The following CERCAM variants were observed in gnomAD, a reference collection of about 807,000 sequenced individuals.
CERCAM encodes cerebral endothelial cell adhesion molecule.
A neutral mutation model predicts 66.0 loss-of-function variants in CERCAM; 59 were observed. That is an observed-to-expected ratio of 0.89 (90% CI 0.73 to 1.11). The LOEUF (loss-of-function observed/expected upper bound fraction) is 1.11. Ranked by LOEUF, CERCAM falls within the 50% of genes most tolerant of loss-of-function variation. CERCAM has a pLI of 0.00. For missense variants in CERCAM, 840 were observed against 828.3 expected (o/e 1.01, Z -0.17); for synonymous variants, 318 against 343.6 (o/e 0.93, Z 0.83).
intron 5 of CERCAM, among the ~76,000 whole-genome samples, chr9:128,426,482 T>C (rs1364518038): frequency 1.3e-5 from 2 of 151,842 alleles, no homozygotes; most frequent in African/African-American, 4.8e-5. Context: ...TAGCCAGGCA[T>C]GGTGGCGGGT....
chr9:128,424,335 A>T, intron 4 of CERCAM, 63 bp downstream of exon 4: 1 of 1,612,154 alleles, frequency 6.2e-7, no homozygotes, highest in Non-Finnish European at 8.5e-7. Context: ...TGGAGAGCAG[A>T]GAGCCTGAGG....
chr9:128,420,699 C>A, upstream of CERCAM: 1 of 247,940 alleles, frequency 4.0e-6, no homozygotes, highest in Non-Finnish European at 7.6e-6. This position sits in a 1 kb window ranked among gnomAD's most constrained non-coding sequence, Gnocchi z 5.0. Context: ...GTGCCCCGGG[C>A]CAAGGAGAGA....
intron 8 of CERCAM, among the ~76,000 whole-genome samples, chr9:128,429,645 C>T (rs140736231): frequency 2.6e-5 from 4 of 152,148 alleles, no homozygotes; most frequent in East Asian, 1.9e-4. Flanking sequence ...TGTTGCCCTC[C>T]GTCTGTTGCC....
At position 128,435,762 on chromosome 9, in the gene CERCAM, A is replaced by G. The variant is rs1389545661; in HGVS notation, c.1645A>G (p.Thr549Ala). 6.2e-7 allele frequency: 1 copy of G among 1,613,410 alleles called. No individual in the cohort carries two copies. The highest frequency in any genetic ancestry group is 1.7e-5 in the Admixed American group (1 of 59,948). The change falls in exon 12 of 13, where the codon ACG (threonine) becomes GCG (alanine). Residue 549 changes from threonine to alanine, a missense_variant. Coordinates refer to ENST00000372838, the MANE Select transcript of CERCAM (RefSeq NM_016174.5). The part of the protein sequence containing the change: ...YAGDAEWLSD[T>A]ETSSPWDDDS... ...CGGGGACGCCGAGTGGCTCAGTGAC[A>G]CGGAGACATCCTCTCCATGGGATGA...
In CERCAM at chr9:128,432,212, CAG is replaced by C. The variant is rs1363270487; in HGVS notation, c.1203+910_1203+911del. 6.6e-5 allele frequency among the ~76,000 whole-genome samples: 10 copies of C among 151,862 alleles called. No homozygotes were observed. In the East Asian group the frequency reaches 1.8e-3, roughly 27 times the overall value. The stretch of plus-strand genomic sequence containing the variant: ...GGCTAATTTTTCTATTTTTAGTAGA[CAG>C]GGGGTTTCGCCATATTGGTCAGGCT... On this transcript the variant is annotated intron_variant, in intron 9 of 12. Coordinates refer to ENST00000372838, the MANE Select transcript of CERCAM (RefSeq NM_016174.5).
chr9:128,421,129 TG>T, intron 1 of CERCAM, 55 bp downstream of exon 1: 1 of 1,264,188 alleles, frequency 7.9e-7, no homozygotes, highest in Non-Finnish European at 1.0e-6. Flanking sequence ...GCTTCGCAGA[TG>T]GCCCCCGCCC....
At chr9:128,429,107 G>A in intron 8 of CERCAM, 71 bp downstream of exon 8, 8 of 1,161,576 alleles carry the variant, frequency 6.9e-6, no homozygotes, top group Non-Finnish European at 9.7e-6. Context: ...AGCCCGCTAG[G>A]ACTGGGAAAA....
At chr9:128,425,077 G>C (rs961278796) in intron 5 of CERCAM, among the ~76,000 whole-genome samples, 9 of 148,336 alleles carry the variant, frequency 6.1e-5, no homozygotes, top group South Asian at 2.1e-4. Flanking sequence ...GTTGTTTTTG[G>C]GACAGAGTCT....
chr9:128,425,842 C>T (rs1452677972), intron 5 of CERCAM, among the ~76,000 whole-genome samples: 2 of 114,198 alleles, frequency 1.8e-5, no homozygotes, highest in South Asian at 2.9e-4. Flanking sequence ...TTTTTTGAGA[C>T]GGAGTCTTGC....
intron 6 of CERCAM, 26 bp downstream of exon 6, chr9:128,428,447 C>T (rs1263396009): frequency 6.2e-7 from 1 of 1,612,256 alleles, no homozygotes; most frequent in Non-Finnish European, 8.5e-7. Context: ...CTGTTCCACC[C>T]ACCTGCTGCC....
Position 128,420,976 on chromosome 9 carries a change from G to T in CERCAM, c.99G>T (p.Val33=). ...AGVAESPLPA[V]VLAILARNAE... ...TTGCGGAGTCGCCGCTGCCCGCCGT[G>T]GTCCTTGCCATCCTGGCCCGCAATG... is the stretch of plus-strand genomic sequence containing the variant. The change falls in exon 1 of 13, where the codon GTG becomes GTT. Residue 33 remains valine (V), a synonymous_variant. Transcript: ENST00000372838. The surrounding 1 kb of genome is among the most constrained non-coding windows in gnomAD (Gnocchi z 5.0). The T allele has an allele frequency of 6.8e-7, 1 of 1,469,548 alleles. No individual in the cohort carries two copies. The allele number at this position is 1,469,548 out of a possible 1,614,324, so 91.0% of individuals were successfully genotyped here.
upstream of CERCAM, chr9:128,420,760 G>A (rs1018835876): frequency 1.2e-4 from 38 of 306,084 alleles, no homozygotes; most frequent in Non-Finnish European, 5.7e-6. This position sits in a 1 kb window ranked among gnomAD's most constrained non-coding sequence, Gnocchi z 5.0. Context: ...CACTCTGAGG[G>A]TGCACTGCCC....
rs773695103 is a variant in CERCAM, at chr9:128,428,329, A to T, written c.794A>T (p.His265Leu). ...GTCTCCGTCCACGTGTGCAATGAGC[A>T]CCGTTATGGGTACATGAATGTGCCG... The part of the protein sequence containing the change: ...AGVSVHVCNE[H>L]RYGYMNVPVK... The change falls in exon 6 of 13, where the codon CAC becomes CTC. Residue 265 changes from histidine to leucine, a missense_variant. Coordinates refer to ENST00000372838, the MANE Select transcript of CERCAM (RefSeq NM_016174.5). The T allele has an allele frequency of 3.7e-6, 6 of 1,613,936 alleles. No homozygotes were observed. In the African/African-American group the frequency reaches 5.3e-5, roughly 14 times the overall value.
intron 8 of CERCAM, among the ~76,000 whole-genome samples, chr9:128,430,256 G>T (rs1833944515): frequency 6.6e-6 from 1 of 152,036 alleles, no homozygotes; most frequent in South Asian, 2.1e-4. Flanking sequence ...ACAAAAATTA[G>T]CCAGGTGTGG....
chr9:128,435,540 G>A (rs1834087521), intron 11 of CERCAM, 113 bp from the exon 12 acceptor site: 8 of 1,185,938 alleles, frequency 6.7e-6, no homozygotes, highest in African/African-American at 1.5e-5. Context: ...GTGAGGACTA[G>A]ATGGCGGGGA....
At chr9:128,429,060 C>G (rs764935874) in intron 8 of CERCAM, 24 bp downstream of exon 8, 26 of 1,531,056 alleles carry the variant, frequency 1.7e-5, no homozygotes, top group Admixed American at 1.1e-4. Context: ...GTGGGGGGGG[C>G]CCTGTGCGCT....
chr9:128,425,183 A>T (rs1434710676), intron 5 of CERCAM, among the ~76,000 whole-genome samples: 2 of 151,790 alleles, frequency 1.3e-5, no homozygotes, highest in Non-Finnish European at 2.9e-5. Context: ...CAGCCTCCCG[A>T]GTAGCTGGGA....
chr9:128,425,217 C>T (rs747375485), intron 5 of CERCAM, among the ~76,000 whole-genome samples: 65 of 151,216 alleles, frequency 4.3e-4, no homozygotes, highest in African/African-American at 1.0e-3. Context: ...CCACCACGCC[C>T]GGCTAATTTT....
intron 9 of CERCAM, among the ~76,000 whole-genome samples, chr9:128,432,421 G>A (rs1833997358): frequency 7.3e-6 from 1 of 137,906 alleles, no homozygotes; most frequent in Admixed American, 7.9e-5. Flanking sequence ...GTATTGCTCT[G>A]GCACCCAGGC....
Sources: allele counts gnomAD v4.1 joint callset (sites outside exome capture counted in the v4.1 genomes callset), GRCh38; gene constraint gnomAD v4.1.1; non-coding constraint Gnocchi (gnomAD v3.1); transcripts MANE v1.5; gene names NCBI Gene and HGNC (gene_info 2026-07-23, HGNC 2026-07-21).